MCOLN3: variants seen among roughly 807,000 people sequenced by gnomAD.
MCOLN3 encodes the protein mucolipin-3.
Under a neutral mutation model 69.4 loss-of-function variants are expected in MCOLN3, and 62 were observed. The ratio of observed to expected loss-of-function variants is 0.89; its 90% CI spans 0.73 to 1.10. MCOLN3 has a LOEUF of 1.10. Ranked by LOEUF, MCOLN3 falls within the 50% of genes least tolerant of loss-of-function variation. MCOLN3 has a pLI of 0.00. For missense variants in MCOLN3, 564 were observed against 656.4 expected (o/e 0.86, Z 1.54); for synonymous variants, 183 against 217.0 (o/e 0.84, Z 1.38).
intron 3 of MCOLN3, among the ~76,000 whole-genome samples, chr1:85,035,112 A>G (rs1431130158): frequency 1.3e-5 from 2 of 152,250 alleles, no homozygotes; most frequent in Non-Finnish European, 2.9e-5. Context: ...CAGTCCTCCT[A>G]TAACTTGACA....
At chr1:85,046,883 A>C (rs962379053) in intron 1 of MCOLN3, among the ~76,000 whole-genome samples, 1 of 152,240 alleles carries the variant, frequency 6.6e-6, no homozygotes, top group Non-Finnish European at 1.5e-5. Flanking sequence ...TGTGCGTGTT[A>C]AAATGCCTGT....
At position 85,022,880 on chromosome 1, in the gene MCOLN3, A is replaced by C. The variant is rs548695818; in HGVS notation, c.1096-480T>G. 3.3e-5 allele frequency: 5 copies of C among 153,756 alleles called. No homozygotes were observed. In the East Asian group the frequency reaches 5.8e-4, roughly 18 times the overall value. 9.5% of individuals were successfully genotyped at this position (153,756 alleles called of 1,614,324 possible). On this transcript the variant is annotated intron_variant, in intron 9 of 12. Coordinates refer to ENST00000370589, the MANE Select transcript of MCOLN3 (RefSeq NM_018298.11). ...CAGTTATAGAGATAAGGTGGCACTC[A>C]CCAAGTTTGTCTTTTACTGTAACTC...
At chr1:85,033,919 G>C (rs949058088) in intron 4 of MCOLN3, among the ~76,000 whole-genome samples, 179 bp downstream of exon 4, 1 of 152,054 alleles carries the variant, frequency 6.6e-6, no homozygotes, top group South Asian at 2.1e-4. Flanking sequence ...GTTTCCTTGA[G>C]GATTCTTGAG....
intron 1 of MCOLN3, chr1:85,047,611 T>C (rs1467464666): frequency 6.6e-6 from 1 of 152,240 alleles, no homozygotes; most frequent in Non-Finnish European, 1.5e-5. Context: ...TGGAGTAAGC[T>C]GTAGAAAATT....
intron 3 of MCOLN3, among the ~76,000 whole-genome samples, chr1:85,038,427 G>C (rs1652905664): frequency 6.6e-6 from 1 of 152,128 alleles, no homozygotes. Context: ...AAGAAAATAA[G>C]GTCTCTCACA....
At chr1:85,024,309 C>G (rs1652106632) in intron 9 of MCOLN3, among the ~76,000 whole-genome samples, 1 of 152,150 alleles carries the variant, frequency 6.6e-6, no homozygotes, top group Non-Finnish European at 1.5e-5. Context: ...GCGGCAAAAA[C>G]ATGCTAATGG....
At position 85,021,183 on chromosome 1, in the gene MCOLN3, A is replaced by G; in HGVS notation, c.1414T>C (p.Tyr472His). The change falls in exon 12 of 13, where the codon TAC becomes CAC. Residue 472 changes from tyrosine to histidine, a missense_variant. Coordinates refer to ENST00000370589, the MANE Select transcript of MCOLN3 (RefSeq NM_018298.11). ...ATTCTACTAAACAGCCAGACTAAGT[A>G]ACTTTTTTGCTGCATTTTTGCAAAC... ...ATFAKMQQKSYLVWLFSRIYL... is the reference protein window; with the variant it reads ...ATFAKMQQKSHLVWLFSRIYL... 1.2e-6 allele frequency: 2 copies of G among 1,613,858 alleles called. No individual in the cohort carries two copies. The highest frequency in any genetic ancestry group is 1.7e-6 in the Non-Finnish European group (2 of 1,179,826).
chr1:85,040,094 T>C (rs1438083785), intron 3 of MCOLN3, among the ~76,000 whole-genome samples: 3 of 152,180 alleles, frequency 2.0e-5, no homozygotes, highest in African/African-American at 7.2e-5. Flanking sequence ...ACGGAGTATC[T>C]CCATCATTAT....
chr1:85,027,873 C>T lies in MCOLN3; in HGVS notation c.832+1233G>A, dbSNP rs868247952. On this transcript the variant is annotated intron_variant, in intron 7 of 12. Transcript: ENST00000370589. ...AGAGGTGTCAGCCATTGTACACTGC[C>T]ACAGAGCTTGTCTCTATTTAACAAG... is the stretch of plus-strand genomic sequence containing the variant. 2.4e-4 allele frequency among the ~76,000 whole-genome samples: 36 copies of T among 152,068 alleles called. 1 individual carries two copies. Among genetic ancestry groups the T allele is most frequent in the Admixed American group, 1.3e-4 (2 of 15,274 alleles).
chr1:85,022,315 A>G lies in MCOLN3; in HGVS notation c.1181T>C (p.Phe394Ser). 6.2e-7 allele frequency: 1 copy of G among 1,614,038 alleles called. No homozygotes were observed. Among genetic ancestry groups the G allele is most frequent in the Non-Finnish European group, 8.5e-7 (1 of 1,179,904 alleles). The change falls in exon 10 of 13, where the codon TTC (phenylalanine) becomes TCC (serine). Residue 394 changes from phenylalanine (F) to serine (S), a missense_variant. Transcript: ENST00000370589. ...ATTCCTTACGTTGTACTTTGCAAAG[A>G]AACCGAGGTATCGGATGACTCCAAG... ...VWLGVIRYLG[F>S]FAKYNLLILT...
chr1:85,037,552 T>C lies in MCOLN3; in HGVS notation c.397-3301A>G, dbSNP rs74734454. ...TGCAGGTACCTGTTCACATTATACC[T>C]ACATACACCACATAGTTACGTTATA... On this transcript the variant is annotated intron_variant, in intron 3 of 12. Transcript: ENST00000370589. Among the ~76,000 whole-genome samples, 3 of 152,358 alleles carry C rather than the reference T, an allele frequency of 2.0e-5. No homozygotes were observed. In the East Asian group the frequency reaches 5.8e-4, roughly 29 times the overall value.
intron 9 of MCOLN3, 166 bp downstream of exon 9, chr1:85,025,773 A>G: frequency 3.0e-6 from 2 of 658,660 alleles, no homozygotes; most frequent in South Asian, 3.9e-5. Flanking sequence ...TCTGCCTAAG[A>G]GACCTCCTGA....
intron 3 of MCOLN3, among the ~76,000 whole-genome samples, chr1:85,040,070 T>G (rs1034299944): frequency 6.6e-5 from 10 of 152,280 alleles, no homozygotes; most frequent in African/African-American, 2.2e-4. Context: ...CGTAATATAC[T>G]TAAAATTCTA....
intron 9 of MCOLN3, among the ~76,000 whole-genome samples, chr1:85,023,882 T>A (rs901387936): frequency 1.3e-5 from 2 of 152,140 alleles, no homozygotes; most frequent in East Asian, 3.9e-4. Flanking sequence ...ATTGAAAGCA[T>A]GTCAACAAAA....
At chr1:85,046,938 G>T (rs1410149812) in intron 1 of MCOLN3, among the ~76,000 whole-genome samples, 1 of 152,146 alleles carries the variant, frequency 6.6e-6, no homozygotes, top group Non-Finnish European at 1.5e-5. Context: ...ATAAAGGAAA[G>T]AAAAAGTTAT....
rs1652617641 is a variant in MCOLN3, at chr1:85,033,019, G to T, written c.551-63C>A. 2.2e-6 allele frequency: 3 copies of T among 1,354,604 alleles called. No individual in the cohort carries two copies. The Admixed American group carries it at 5.1e-5, about 23-fold the overall frequency. 83.9% of individuals were successfully genotyped at this position (1,354,604 alleles called of 1,614,324 possible). ...AAATAAGACTGCATTTTGAAAGGCT[G>T]ATACATTTAAGACCAGTTATTCAGA... On this transcript the variant is annotated intron_variant, in intron 4 of 12. Coordinates refer to ENST00000370589, the MANE Select transcript of MCOLN3 (RefSeq NM_018298.11).
chr1:85,031,908 T>TAA (rs11396711), intron 6 of MCOLN3, among the ~76,000 whole-genome samples: 75 of 150,004 alleles, frequency 5.0e-4, no homozygotes, highest in East Asian at 7.9e-4. Context: ...CCGTCTCTGC[T>TAA]AAAAAAAAAT....
At chr1:85,036,279 C>T (rs1652799849) in intron 3 of MCOLN3, among the ~76,000 whole-genome samples, 1 of 152,156 alleles carries the variant, frequency 6.6e-6, no homozygotes, top group Non-Finnish European at 1.5e-5. Context: ...GCAACCTCTG[C>T]CTCCTGGGTT....
chr1:85,026,035 A>T lies in MCOLN3; in HGVS notation c.999T>A (p.Asp333Glu). 1 of 1,601,246 alleles carries T rather than the reference A, an allele frequency of 6.2e-7. No homozygotes were observed. The highest frequency in any genetic ancestry group is 8.5e-7 in the Non-Finnish European group (1 of 1,173,806). Residue 333 changes from aspartate to glutamate, a missense_variant, in exon 9 of 13, where the codon GAT becomes GAA. Transcript: ENST00000370589. ...ACCATCCATTGACAAATTCCATTTG[A>T]TCAGAAACAGAAACTTCCTTCTTAT... is the stretch of plus-strand genomic sequence containing the variant. ...LHYKKEVSVS[D>E]QMEFVNGWYI... is the part of the protein sequence containing the mutation.
Sources: gnomAD v4.1 joint callset for allele counts (sites outside exome capture counted in the v4.1 genomes callset) on GRCh38, gnomAD v4.1.1 for gene constraint, MANE v1.5 for transcripts, NCBI Gene and HGNC (gene_info 2026-07-23, HGNC 2026-07-21) for gene names.